CNTFR: variants seen among roughly 807,000 people sequenced by gnomAD.
CNTFR encodes ciliary neurotrophic factor receptor.
A neutral mutation model predicts 40.4 loss-of-function variants in CNTFR; 12 were observed. The ratio of observed to expected loss-of-function variants is 0.30; its 90% confidence interval spans 0.19 to 0.48. The LOEUF is 0.48. Among genes scored for constraint, CNTFR ranks in the 20% least tolerant of loss-of-function variants. The pLI, the probability that CNTFR is intolerant of heterozygous loss-of-function variation, is 0.99. For synonymous variants in CNTFR, 202 were observed against 209.6 expected, an observed-to-expected ratio of 0.96 and a Z score of 0.31; for missense variants, 414 against 506.8, an observed-to-expected ratio of 0.82 and a Z score of 1.76.
chr9:34,589,602 C>T lies in CNTFR; in HGVS notation c.-159G>A, dbSNP rs975992288. On this transcript the variant is annotated 5_prime_UTR_variant, in exon 1 of 10. Coordinates refer to ENST00000378980, the MANE Select transcript of CNTFR (RefSeq NM_147164.3). The surrounding 1 kb of genome is among the most constrained non-coding windows in gnomAD (Gnocchi z 4.4). ...TTCGCGCCGCGCCTTCCGACCGCCC[C>T]CGGCAGCGAGCGAGGCAGGGAGCGC... 2 of 152,232 alleles carry T rather than the reference C, an allele frequency of 1.3e-5. No individual in the cohort carries two copies. The highest frequency in any genetic ancestry group is 1.3e-4 in the Admixed American group (2 of 15,200). The allele number at this position is 152,232 out of a possible 1,614,324, so 9.4% of individuals were successfully genotyped here. A position where few individuals can be genotyped will look rare whatever the true frequency, so the allele number is the denominator to read the frequency against.
chr9:34,589,828 G>A (rs1318401020), upstream of CNTFR: 1 of 140,178 alleles, frequency 7.1e-6, no homozygotes, highest in Admixed American at 7.1e-5. This position sits in a 1 kb window ranked among gnomAD's most constrained non-coding sequence, Gnocchi z 4.4. Flanking sequence ...GCGCCCGCTC[G>A]GCCGCGCGCG....
intron 1 of CNTFR, among the ~76,000 whole-genome samples, chr9:34,585,764 C>A (rs1450973815): frequency 6.6e-6 from 1 of 152,186 alleles, no homozygotes; most frequent in East Asian, 1.9e-4. Flanking sequence ...AGGTCTCCCC[C>A]ACTACCCCCA....
intron 2 of CNTFR, among the ~76,000 whole-genome samples, chr9:34,573,880 A>G (rs922861980): frequency 1.1e-4 from 17 of 152,242 alleles, no homozygotes; most frequent in Non-Finnish European, 2.9e-5. Context: ...AGAAACAGAG[A>G]TACATAGACT....
chr9:34,578,869 G>A lies in CNTFR; in HGVS notation c.-1+2226C>T, dbSNP rs147318395. Among the ~76,000 whole-genome samples the A allele has an allele frequency of 2.3e-3, 343 of 152,340 alleles. 1 individual carries two copies. Among genetic ancestry groups the A allele is most frequent in the African/African-American group, 7.8e-3 (324 of 41,576 alleles). On this transcript the variant is annotated intron_variant, in intron 2 of 9. Transcript: ENST00000378980. Reference sequence around the variant, plus strand: ...CATCCTGCCCTCTGGGAATGACAGTGCAATGCCACCCGTCCTCCAGTTACT... The same window carrying A: ...CATCCTGCCCTCTGGGAATGACAGTACAATGCCACCCGTCCTCCAGTTACT...
intron 3 of CNTFR, among the ~76,000 whole-genome samples, chr9:34,565,982 G>A (rs1300693648): frequency 2.0e-5 from 3 of 152,056 alleles, no homozygotes; most frequent in East Asian, 1.9e-4. Context: ...GTTAACACTC[G>A]CTTACATCTC....
At chr9:34,590,728 T>C (rs1376355514), upstream of CNTFR, among the ~76,000 whole-genome samples, 1 of 152,212 alleles carries the variant, frequency 6.6e-6, no homozygotes, top group African/African-American at 2.4e-5. Context: ...CTTCGCAGCC[T>C]GGGCCTCTGA....
At chr9:34,586,829 G>A (rs1045934325) in intron 1 of CNTFR, among the ~76,000 whole-genome samples, 2 of 152,164 alleles carry the variant, frequency 1.3e-5, no homozygotes, top group Non-Finnish European at 2.9e-5. Flanking sequence ...CCAAATGTGT[G>A]TCCTCTCTCC....
At chr9:34,570,820 A>C (rs1046145863) in intron 2 of CNTFR, among the ~76,000 whole-genome samples, 1 of 152,170 alleles carries the variant, frequency 6.6e-6, no homozygotes, top group Admixed American at 6.5e-5. Context: ...TGTGGGTATC[A>C]GCCTGAAGCA....
At position 34,564,617 on chromosome 9, in the gene CNTFR, C is replaced by T. The variant is rs185463299; in HGVS notation, c.301G>A (p.Val101Ile). Residue 101 changes from valine to isoleucine, a missense_variant, in exon 4 of 10, where the codon GTC (valine) becomes ATC (isoleucine). Around this residue, in one of 3 missense-constraint regions of CNTFR, gnomAD observed 250 missense variants for 269.5 expected, o/e 0.93. Coordinates refer to ENST00000378980, the MANE Select transcript of CNTFR (RefSeq NM_147164.3). ...CACTTACAGCCCACATGCAGCAGGA[C>T]TTGGTGGCGCAGGTGCCAGGAGTCA... The part of the protein sequence containing the change: ...HRDSWHLRHQ[V>I]LLHVGLPPRE... 2 of 1,611,446 alleles carry T rather than the reference C, an allele frequency of 1.2e-6. No individual in the cohort carries two copies. The highest frequency in any genetic ancestry group is 1.7e-6 in the Non-Finnish European group (2 of 1,178,894).
intron 2 of CNTFR, among the ~76,000 whole-genome samples, chr9:34,571,989 CCCA>C (rs1826684403): frequency 6.6e-6 from 1 of 152,002 alleles, no homozygotes; most frequent in Admixed American, 6.5e-5. Context: ...AGGGTCTCTG[CCCA>C]CCCTAGAGCA....
intron 2 of CNTFR, among the ~76,000 whole-genome samples, chr9:34,575,944 T>C (rs957975917): frequency 6.6e-6 from 1 of 151,696 alleles, no homozygotes; most frequent in Admixed American, 6.6e-5. Flanking sequence ...CTCCTCACAG[T>C]GGGGAAGCCA....
At position 34,587,636 on chromosome 9, in the gene CNTFR, CCA is replaced by C. The variant is rs1276033761; in HGVS notation, c.-112+1917_-112+1918del. Among the ~76,000 whole-genome samples the C allele has an allele frequency of 4.6e-5, 7 of 152,136 alleles. No individual in the cohort carries two copies. The East Asian group carries it at 5.8e-4, about 13-fold the overall frequency. On this transcript the variant is annotated intron_variant, in intron 1 of 9. Coordinates refer to ENST00000378980, the MANE Select transcript of CNTFR (RefSeq NM_147164.3). ...GGAAATGTGAATCTGACTATGAACC[CCA>C]GTGTCCTCAGCGAGTCCTTGAGTTC...
chr9:34,567,693 C>T (rs1345194081), intron 3 of CNTFR, among the ~76,000 whole-genome samples: 1 of 152,184 alleles, frequency 6.6e-6, no homozygotes, highest in Non-Finnish European at 1.5e-5. Context: ...CACAAGGATA[C>T]AGCCCCACAA....
Sources: gnomAD v4.1 joint callset for allele counts (sites outside exome capture counted in the v4.1 genomes callset) on GRCh38, gnomAD v4.1.1 for gene constraint, gnomAD v4.1.1 regional missense constraint, Gnocchi (gnomAD v3.1) non-coding constraint, MANE v1.5 for transcripts, NCBI Gene and HGNC (gene_info 2026-07-23, HGNC 2026-07-21) for gene names.